MED12: variants seen among roughly 807,000 people sequenced by gnomAD.
MED12 encodes the protein mediator of RNA polymerase II transcription subunit 12.
Under a neutral mutation model 177.7 loss-of-function variants are expected in MED12, and 10 were observed. The ratio of observed to expected loss-of-function variants is 0.06; its 90% CI spans 0.03 to 0.10. MED12 has a LOEUF of 0.10. MED12 is among the 10% of genes least tolerant of loss of function. The pLI, the probability that MED12 is intolerant of heterozygous loss-of-function variation, is 1.00. For missense variants in MED12, 867 were observed against 1,780.8 expected (o/e 0.49, Z 9.23); for synonymous variants, 641 against 678.4 (o/e 0.94, Z 0.86).
intron 34 of MED12, 82 bp from the exon 35 acceptor site, chrX:71,134,631 T>G (rs1048469363): frequency 2.6e-6 from 3 of 1,152,610 alleles, no homozygotes; most frequent in Admixed American, 4.4e-5. Context: ...TAAGCACCTC[T>G]CCCTGCTTGT....
intron 11 of MED12, 126 bp downstream of exon 11, chrX:71,123,352 A>G: frequency 1.0e-6 from 1 of 987,978 alleles, no homozygotes; most frequent in African/African-American, 1.9e-5. Context: ...AAAGAAGCAA[A>G]AGAGAACCTA....
At chrX:71,127,503 ACCTACT>A (rs1569481551) in intron 21 of MED12, 36 bp downstream of exon 21, 2 of 1,172,175 alleles carry the variant, frequency 1.7e-6, no homozygotes, top group Non-Finnish European at 1.2e-6. Context: ...AGCGAGTGGG[ACCTACT>A]CCCTTCTTCC....
chrX:71,122,983 A>C, intron 10 of MED12, 109 bp downstream of exon 10: 1 of 1,155,232 alleles, frequency 8.7e-7, no homozygotes, highest in Non-Finnish European at 1.2e-6. Flanking sequence ...TGCAGAAATG[A>C]TCTTACTGGG....
chrX:71,138,472 A>T (rs1031533917), intron 41 of MED12, among the ~76,000 whole-genome samples: 1 of 110,912 alleles, frequency 9.0e-6, no homozygotes, highest in African/African-American at 3.3e-5. Context: ...AACTACAGGC[A>T]CACACCACCA....
chrX:71,133,761 A>C (rs2147818842), intron 33 of MED12, among the ~76,000 whole-genome samples: 1 of 111,368 alleles, frequency 9.0e-6, no homozygotes, highest in South Asian at 3.8e-4. Context: ...CCTCTGCCTC[A>C]GTATCCTAGA....
At chrX:71,133,315 G>A in intron 33 of MED12, 103 bp downstream of exon 33, 1 of 562,017 alleles carries the variant, frequency 1.8e-6, no homozygotes, top group South Asian at 2.5e-5. Context: ...AGAGGCCCCA[G>A]GTTATTCTGA....
rs951956843 is a variant in MED12 at position 71,128,543 on chromosome X, C to T, written c.3355-55C>T. 9.1e-6 allele frequency: 11 copies of T among 1,206,570 alleles called. No individual in the cohort carries two copies. The Admixed American group carries it at 1.1e-4, about 12-fold the overall frequency. ...AGAGTTCCGTAGAGTGGAGGCACAC[C>T]GCTTTGAGTGGGCCTCCACACTGAG... On this transcript the variant is annotated intron_variant, in intron 23 of 44. Transcript: ENST00000374080.
Position 71,121,783 on chromosome X carries a change from G to A in MED12, c.1068G>A (p.Arg356=), listed in dbSNP as rs757086557. 9.9e-6 allele frequency: 12 copies of A among 1,211,950 alleles called. No homozygotes were observed. The highest frequency in any genetic ancestry group is 1.1e-6 in the Non-Finnish European group (1 of 895,556). ...ACCTGCTTATGTGCCCTCAGCACCGGCCCCTGGTTTTTGGCCTCAGCTGTA... is the reference window on the plus strand; with the variant it reads ...ACCTGCTTATGTGCCCTCAGCACCGACCCCTGGTTTTTGGCCTCAGCTGTA... The part of the protein sequence containing the change: ...FSDLLMCPQH[R]PLVFGLSCIL... Residue 356 remains arginine, a synonymous_variant, in exon 7 of 45, where the codon CGG becomes CGA. Transcript: ENST00000374080.
intron 12 of MED12, 92 bp downstream of exon 12, chrX:71,123,812 A>G (rs2092295965): frequency 2.1e-6 from 2 of 965,543 alleles, no homozygotes; most frequent in Non-Finnish European, 2.9e-6. Flanking sequence ...CCTCTGGTCT[A>G]TATTTCTCTC....
At chrX:71,135,823 C>G (rs2092330776) in intron 36 of MED12, among the ~76,000 whole-genome samples, 1 of 110,586 alleles carries the variant, frequency 9.0e-6, no homozygotes, top group East Asian at 2.8e-4. Context: ...ACCTTTTTGT[C>G]TCTCTCTTCC....
chrX:71,141,849 C>G (rs766547485), intron 43 of MED12, 34 bp from the exon 44 acceptor site: 6 of 1,171,568 alleles, frequency 5.1e-6, no homozygotes, highest in Middle Eastern at 2.4e-4. Context: ...GAGAAAAGTT[C>G]GACTTCAGTC....
chrX:71,132,990 G>C, intron 32 of MED12, 34 bp downstream of exon 32: 1 of 1,095,387 alleles, frequency 9.1e-7, no homozygotes, highest in Non-Finnish European at 1.2e-6. Flanking sequence ...GTGGGCAGGA[G>C]GTCAGGGAAG....
intron 10 of MED12, 93 bp from the exon 11 acceptor site, chrX:71,123,002 G>A: frequency 1.7e-6 from 2 of 1,171,791 alleles, no homozygotes; most frequent in South Asian, 3.6e-5. Flanking sequence ...GGCCCAGGAT[G>A]TTTTATGATA....
chrX:71,121,775 C>G lies in MED12; in HGVS notation c.1060C>G (p.Gln354Glu), dbSNP rs1467434848. The G allele has an allele frequency of 8.3e-7, 1 of 1,211,900 alleles. No individual in the cohort carries two copies. Among genetic ancestry groups the G allele is most frequent in the Non-Finnish European group, 1.1e-6 (1 of 895,522 alleles). The change falls in exon 7 of 45, where the codon CAG becomes GAG. Residue 354 changes from glutamine to glutamate, a missense_variant. Coordinates refer to ENST00000374080, the MANE Select transcript of MED12 (RefSeq NM_005120.3). Reference protein sequence around the residue: ...TPFSDLLMCPQHRPLVFGLSC... With the variant: ...TPFSDLLMCPEHRPLVFGLSC... ...CTTTAGTGACCTGCTTATGTGCCCTCAGCACCGGCCCCTGGTTTTTGGCCT... is the reference window on the plus strand; with the variant it reads ...CTTTAGTGACCTGCTTATGTGCCCTGAGCACCGGCCCCTGGTTTTTGGCCT...
chrX:71,124,137 T>A (rs368912938), intron 12 of MED12, 22 bp from the exon 13 acceptor site: 1 of 1,180,766 alleles, frequency 8.5e-7, no homozygotes, highest in Non-Finnish European at 1.2e-6. Flanking sequence ...CTAACTTATG[T>A]TTCCTCATTC....
At chrX:71,134,893 G>T (rs1433193613) in intron 35 of MED12, 45 bp downstream of exon 35, 1 of 1,207,871 alleles carries the variant, frequency 8.3e-7, no homozygotes, top group South Asian at 1.8e-5. Flanking sequence ...ACTGGAATCT[G>T]CTGTCCAGCC....
chrX:71,133,959 G>A (rs1196868311), intron 33 of MED12, among the ~76,000 whole-genome samples: 1 of 110,810 alleles, frequency 9.0e-6, no homozygotes, highest in Non-Finnish European at 1.9e-5. Context: ...GCCGGGCGCG[G>A]TGGCTCACGC....
At chrX:71,139,883 A>G (rs2092342210) in intron 41 of MED12, among the ~76,000 whole-genome samples, 1 of 108,202 alleles carries the variant, frequency 9.2e-6, no homozygotes, top group African/African-American at 3.4e-5. Context: ...TGGGCAACAG[A>G]GTGAGACTCT....
rs965721183 is a variant in MED12 at position 71,129,052 on chromosome X, A to G, written c.3476-62A>G. The G allele has an allele frequency of 7.1e-5, 66 of 926,735 alleles. 2 individuals are homozygous for G. The South Asian group carries it at 7.7e-4, about 11-fold the overall frequency. 76.4% of individuals were successfully genotyped at this position (926,735 alleles called of 1,213,427 possible). ...CACTTGCATGCATGCAGGCACGCAC[A>G]CACATAAACCCACATACAGTTTAAC... On this transcript the variant is annotated intron_variant, in intron 24 of 44. Coordinates refer to ENST00000374080, the MANE Select transcript of MED12 (RefSeq NM_005120.3).
Sources: gnomAD v4.1 joint callset for allele counts (sites outside exome capture counted in the v4.1 genomes callset) on GRCh38, gnomAD v4.1.1 for gene constraint, MANE v1.5 for transcripts, NCBI Gene and HGNC (gene_info 2026-07-23, HGNC 2026-07-21) for gene names.